The following B3GALT1 variants were observed in gnomAD, a reference collection of about 807,000 sequenced individuals.
The protein encoded by B3GALT1 is UDP-Gal:betaGlcNAc beta 1,3-galactosyltransferase, polypeptide 1.
Under a neutral mutation model 23.2 loss-of-function variants are expected in B3GALT1, and 10 were observed. The ratio of observed to expected loss-of-function variants is 0.43; its 90% CI spans 0.27 to 0.73. The LOEUF (loss-of-function observed/expected upper bound fraction) is 0.73. B3GALT1 is among the 30% of genes least tolerant of loss of function. The probability of loss-of-function intolerance (pLI) is 0.21; values close to 1 mark genes in which losing one functional copy is unlikely to be tolerated. For missense variants in B3GALT1, 299 were observed against 405.4 expected (o/e 0.74, Z 2.25); for synonymous variants, 156 against 141.5 (o/e 1.10, Z -0.73).
intron 3 of B3GALT1, among the ~76,000 whole-genome samples, chr2:167,763,004 G>A (rs1427067700): frequency 2.0e-5 from 3 of 152,090 alleles, no homozygotes. Context: ...TCATCAGCCA[G>A]GTAGGAAAAG....
intron 4 of B3GALT1, among the ~76,000 whole-genome samples, chr2:167,839,089 C>T (rs1325399013): frequency 2.6e-5 from 4 of 152,072 alleles, no homozygotes; most frequent in African/African-American, 9.7e-5. Context: ...TTGGCAAAAA[C>T]TGGAAGCATT....
At chr2:167,356,442 A>C (rs368641691) in intron 1 of B3GALT1, among the ~76,000 whole-genome samples, 39 of 152,144 alleles carry the variant, frequency 2.6e-4, no homozygotes, top group African/African-American at 8.9e-4. Flanking sequence ...AGTAGACAAA[A>C]GTGTATAAAG....
chr2:167,307,726 A>G (rs1356143213), intron 1 of B3GALT1, among the ~76,000 whole-genome samples: 1 of 151,922 alleles, frequency 6.6e-6, no homozygotes, highest in Non-Finnish European at 1.5e-5. Context: ...CCTCTGCTGT[A>G]CTGTTTAGGG....
chr2:167,373,496 T>C (rs771385220), intron 1 of B3GALT1, among the ~76,000 whole-genome samples: 2 of 152,032 alleles, frequency 1.3e-5, no homozygotes, highest in African/African-American at 4.8e-5. Flanking sequence ...AACAAACGAC[T>C]GGTATTCAGA....
chr2:167,416,440 C>A (rs780172163), intron 1 of B3GALT1, among the ~76,000 whole-genome samples: 18 of 152,234 alleles, frequency 1.2e-4, no homozygotes, highest in Admixed American at 3.3e-4. Context: ...GCAGCATTCA[C>A]CCAAATGTCA....
At chr2:167,293,581 T>TGC (rs1424955578) in intron 1 of B3GALT1, among the ~76,000 whole-genome samples, 10 of 151,986 alleles carry the variant, frequency 6.6e-5, no homozygotes, top group Admixed American at 6.6e-5. Context: ...GATGCGTGTG[T>TGC]GCGCGCGCGC....
At chr2:167,352,627 A>G (rs1431280627) in intron 1 of B3GALT1, among the ~76,000 whole-genome samples, 1 of 151,616 alleles carries the variant, frequency 6.6e-6, no homozygotes, top group African/African-American at 2.4e-5. Flanking sequence ...AGGCTGAGGC[A>G]GGAGAATGGC....
chr2:167,482,464 C>T (rs532784589), intron 1 of B3GALT1, among the ~76,000 whole-genome samples: 64 of 152,194 alleles, frequency 4.2e-4, no homozygotes, highest in Middle Eastern at 3.4e-3. Context: ...TTCACAAATG[C>T]GAAATTTGAA....
At chr2:167,598,831 C>T (rs924403238) in intron 2 of B3GALT1, among the ~76,000 whole-genome samples, 3 of 152,110 alleles carry the variant, frequency 2.0e-5, no homozygotes, top group African/African-American at 7.2e-5. Flanking sequence ...ATTATAATTG[C>T]TTAAGGCTTT....
intron 2 of B3GALT1, among the ~76,000 whole-genome samples, chr2:167,615,648 TA>T (rs113010673): frequency 2.0e-5 from 3 of 151,764 alleles, no homozygotes; most frequent in African/African-American, 7.3e-5. Context: ...TTTTGTCAAT[TA>T]AAAAATAAAA....
At chr2:167,440,538 T>C (rs1194267063) in intron 1 of B3GALT1, among the ~76,000 whole-genome samples, 2 of 152,078 alleles carry the variant, frequency 1.3e-5, no homozygotes, top group Non-Finnish European at 1.5e-5. Flanking sequence ...TTTCATGTTT[T>C]AGATTAAAAG....
chr2:167,559,156 A>G (rs2105386759), intron 2 of B3GALT1, among the ~76,000 whole-genome samples: 1 of 152,264 alleles, frequency 6.6e-6, no homozygotes, highest in East Asian at 1.9e-4. Context: ...GTTCATGAAA[A>G]TCCACTGTTC....
intron 2 of B3GALT1, among the ~76,000 whole-genome samples, chr2:167,542,479 G>A (rs145865495): frequency 1.9e-3 from 296 of 152,254 alleles, no homozygotes; most frequent in African/African-American, 6.8e-3. Flanking sequence ...GAAAGCCACA[G>A]GCATAGTTTC....
chr2:167,809,912 T>G (rs1163492774), intron 3 of B3GALT1, among the ~76,000 whole-genome samples: 1 of 152,200 alleles, frequency 6.6e-6, no homozygotes, highest in Non-Finnish European at 1.5e-5. Context: ...CAGGCCTCCT[T>G]GAGCTGTGGT....
intron 3 of B3GALT1, among the ~76,000 whole-genome samples, chr2:167,784,752 AAGG>A (rs1219685148): frequency 2.0e-5 from 3 of 152,226 alleles, no homozygotes; most frequent in Admixed American, 1.3e-4. Context: ...CTGTATTAAA[AAGG>A]AGACCACCCA....
At chr2:167,682,892 A>C (rs562690914) in intron 3 of B3GALT1, among the ~76,000 whole-genome samples, 1 of 152,382 alleles carries the variant, frequency 6.6e-6, no homozygotes, top group African/African-American at 2.4e-5. Flanking sequence ...TGATAAAATT[A>C]GAAATCTGTG....
intron 3 of B3GALT1, among the ~76,000 whole-genome samples, chr2:167,787,541 C>T (rs1430300035): frequency 6.6e-6 from 1 of 152,188 alleles, no homozygotes; most frequent in Non-Finnish European, 1.5e-5. Context: ...TGGTACTTCT[C>T]TTTTTGTCTT....
chr2:167,859,498 A>T (rs2105428924), intron 4 of B3GALT1, among the ~76,000 whole-genome samples: 2 of 152,266 alleles, frequency 1.3e-5, no homozygotes, highest in East Asian at 3.9e-4. Flanking sequence ...GCCCACACAC[A>T]CAAAGACATC....
chr2:167,424,907 AT>A (rs1377276148), intron 1 of B3GALT1, among the ~76,000 whole-genome samples: 1 of 152,120 alleles, frequency 6.6e-6, no homozygotes. Flanking sequence ...GAGAAAGAGA[AT>A]TTTTTTCCCC....
Sources: gnomAD v4.1 joint callset for allele counts (sites outside exome capture counted in the v4.1 genomes callset) on GRCh38, gnomAD v4.1.1 for gene constraint, MANE v1.5 for transcripts, NCBI Gene and HGNC (gene_info 2026-07-23, HGNC 2026-07-21) for gene names.